Variants in CYP4X1 observed in about 807,000 individuals in gnomAD.
CYP4X1 encodes cytochrome P450 family 4 subfamily X member 1.
CYP4X1 carries 44 observed loss-of-function variants against 57.9 expected under a neutral mutation model. The ratio of observed to expected loss-of-function variants is 0.76; its 90% confidence interval spans 0.60 to 0.98. The LOEUF (loss-of-function observed/expected upper bound fraction) is 0.98, where lower values mean the gene tolerates loss of function less well. Ranked by LOEUF, CYP4X1 falls within the 50% of genes least tolerant of loss-of-function variation. The probability of loss-of-function intolerance (pLI) is 0.00; values close to 1 mark genes in which losing one functional copy is unlikely to be tolerated. For missense variants in CYP4X1, 532 were observed against 623.9 expected (o/e 0.85, Z 1.57); for synonymous variants, 227 against 228.6 (o/e 0.99, Z 0.06).
At chr1:47,053,553 A>G (rs1334707599), downstream of CYP4X1, among the ~76,000 whole-genome samples, 1 of 152,146 alleles carries the variant, frequency 6.6e-6, no homozygotes, top group Non-Finnish European at 1.5e-5. Flanking sequence ...AAGTGTTCTT[A>G]TTTCTCCACA....
At chr1:47,008,408 G>A in the CYP4X1 span, among the ~76,000 whole-genome samples, 1 of 152,128 alleles carries the variant, frequency 6.6e-6, no homozygotes, top group Non-Finnish European at 1.5e-5. Context: ...TGCCTTACAA[G>A]AGCTCCTGAA....
chr1:47,034,729 C>A (rs1459306017), intron 4 of CYP4X1, among the ~76,000 whole-genome samples: 1 of 152,038 alleles, frequency 6.6e-6, no homozygotes, highest in Non-Finnish European at 1.5e-5. Context: ...TAGTGCTGTT[C>A]AGGTGCAGCA....
chr1:47,024,140 C>T lies in CYP4X1; in HGVS notation c.177+146C>T, dbSNP rs935805186. On this transcript the variant is annotated intron_variant, in intron 1 of 11. Transcript: ENST00000371901. ...GGCCTTTCCAGCCCGGCCTGTGGCTCTTAGCATCATTTTTCCTTGCTCTGG... is the reference window on the plus strand; with the variant it reads ...GGCCTTTCCAGCCCGGCCTGTGGCTTTTAGCATCATTTTTCCTTGCTCTGG... 4.1e-6 allele frequency: 4 copies of T among 986,326 alleles called. No homozygotes were observed. In the Admixed American group the frequency reaches 1.2e-4, roughly 29 times the overall value. The allele number at this position is 986,326 out of a possible 1,614,324, so 61.1% of individuals were successfully genotyped here. A position where few individuals can be genotyped will look rare whatever the true frequency, so the allele number is the denominator to read the frequency against.
At chr1:46,990,288 CAT>C in the CYP4X1 span, among the ~76,000 whole-genome samples, 1 of 152,160 alleles carries the variant, frequency 6.6e-6, no homozygotes, top group Non-Finnish European at 1.5e-5. Flanking sequence ...AGCCAACAAA[CAT>C]ATGAAAAAAA....
intron 8 of CYP4X1, among the ~76,000 whole-genome samples, chr1:47,041,422 G>T (rs557895306): frequency 7.2e-5 from 11 of 152,184 alleles, no homozygotes; most frequent in African/African-American, 2.4e-4. Flanking sequence ...GTGTATAAGG[G>T]TTCTGTTTTC....
At chr1:47,049,114 G>A (rs902503033) in intron 10 of CYP4X1, among the ~76,000 whole-genome samples, 3 of 152,160 alleles carry the variant, frequency 2.0e-5, no homozygotes, top group Non-Finnish European at 2.9e-5. Context: ...CATGACATGT[G>A]GCCAGTTGGA....
chr1:46,969,959 C>T, the CYP4X1 span, among the ~76,000 whole-genome samples: 1 of 152,218 alleles, frequency 6.6e-6, no homozygotes, highest in Admixed American at 6.5e-5. Flanking sequence ...TGAGACAACA[C>T]ACATCGGTTA....
the CYP4X1 span, among the ~76,000 whole-genome samples, chr1:47,006,320 A>G: frequency 6.6e-6 from 1 of 152,184 alleles, no homozygotes. Flanking sequence ...GGATTTCACT[A>G]AAGTTTTAGG....
the CYP4X1 span, chr1:46,961,557 C>G: frequency 1.6e-6 from 2 of 1,225,226 alleles, no homozygotes; most frequent in Non-Finnish European, 2.1e-6. Context: ...GAGAGCTGCT[C>G]TTCCTGAGAA....
chr1:46,991,151 T>C, the CYP4X1 span, among the ~76,000 whole-genome samples: 2 of 152,036 alleles, frequency 1.3e-5, no homozygotes, highest in Non-Finnish European at 2.9e-5. Flanking sequence ...AGAAGCAACC[T>C]TCCAGACTGC....
chr1:47,042,317 G>A (rs1170814541), intron 8 of CYP4X1, among the ~76,000 whole-genome samples: 1 of 148,512 alleles, frequency 6.7e-6, no homozygotes. Flanking sequence ...TGTGAATAAT[G>A]CCATTGGAAT....
At chr1:46,995,395 G>A in the CYP4X1 span, among the ~76,000 whole-genome samples, 1 of 152,064 alleles carries the variant, frequency 6.6e-6, no homozygotes, top group Admixed American at 6.5e-5. Context: ...GGAAGAATGA[G>A]GTCTTGAAGA....
intron 1 of CYP4X1, among the ~76,000 whole-genome samples, chr1:47,027,210 A>G (rs1569610846): frequency 6.6e-6 from 1 of 151,880 alleles, no homozygotes; most frequent in East Asian, 1.9e-4. Context: ...TTTCTATCAG[A>G]ATTTTGCAGA....
chr1:46,964,967 G>A, the CYP4X1 span, among the ~76,000 whole-genome samples: 4 of 152,262 alleles, frequency 2.6e-5, no homozygotes, highest in African/African-American at 7.2e-5. Flanking sequence ...CCTCACTGCC[G>A]CCTTGCAGTT....
chr1:46,964,946 T>C, the CYP4X1 span, among the ~76,000 whole-genome samples: 99,829 of 152,040 alleles, frequency 0.66, 33,287 homozygotes, highest in Non-Finnish European at 0.72. Flanking sequence ...TGGTGGGCGC[T>C]CCTCCCCTAG....
At chr1:47,005,722 C>T in the CYP4X1 span, among the ~76,000 whole-genome samples, 39 of 152,240 alleles carry the variant, frequency 2.6e-4, no homozygotes, top group Admixed American at 9.8e-4. Flanking sequence ...TTAAAATTAT[C>T]GGTGGAACAA....
chr1:47,025,908 T>G (rs1644058167), intron 1 of CYP4X1, among the ~76,000 whole-genome samples: 2 of 152,234 alleles, frequency 1.3e-5, no homozygotes, highest in Admixed American at 1.3e-4. Context: ...GTATCTCTAC[T>G]GTCTCATGAA....
the CYP4X1 span, among the ~76,000 whole-genome samples, chr1:46,985,420 G>A: frequency 6.6e-6 from 1 of 152,210 alleles, no homozygotes. Flanking sequence ...CTGGGGGAAG[G>A]GGTGGCTGTG....
chr1:46,977,171 CTTCTCTG>C, the CYP4X1 span, among the ~76,000 whole-genome samples: 1 of 152,100 alleles, frequency 6.6e-6, no homozygotes, highest in East Asian at 1.9e-4. Context: ...TAATAACAAA[CTTCTCTG>C]AGCTAAAGGA....
Sources: allele counts gnomAD v4.1 joint callset (sites outside exome capture counted in the v4.1 genomes callset), GRCh38; gene constraint gnomAD v4.1.1; transcripts MANE v1.5; gene names NCBI Gene and HGNC (gene_info 2026-07-23, HGNC 2026-07-21).